The following ARHGEF3 variants were observed in gnomAD, a reference collection of about 807,000 sequenced individuals.
ARHGEF3 encodes the protein Rho guanine nucleotide exchange factor 3, also known as 59.8 kDA protein.
In ARHGEF3, 28 loss-of-function variants were observed where a neutral mutation model predicts 63.2. The observed-to-expected ratio is 0.44, with a 90% CI of 0.33 to 0.61. The LOEUF (loss-of-function observed/expected upper bound fraction) is 0.61, where lower values mean the gene tolerates loss of function less well. Ranked by LOEUF, ARHGEF3 falls within the 20% of genes least tolerant of loss-of-function variation. The pLI, the probability that ARHGEF3 is intolerant of heterozygous loss-of-function variation, is 0.03. For missense variants in ARHGEF3, 533 were observed against 659.3 expected (o/e 0.81, Z 2.10); for synonymous variants, 266 against 254.2 (o/e 1.05, Z -0.44).
intron 1 of ARHGEF3, among the ~76,000 whole-genome samples, chr3:57,063,104 A>G (rs1474818185): frequency 1.3e-5 from 2 of 152,236 alleles, no homozygotes; most frequent in African/African-American, 2.4e-5. Context: ...ATGAGGGACC[A>G]AGCTCTGCAG....
chr3:56,995,646 AGAGAGAGAGAGAGAGAGAGAGAGAG>A (rs1701949374), intron 2 of ARHGEF3, among the ~76,000 whole-genome samples: 3 of 122,742 alleles, frequency 2.4e-5, no homozygotes, highest in Non-Finnish European at 5.6e-5. Context: ...AGAGAGAGAG[AGAGAGAGAGAGAGAGAGAGAGAGAG>A]AATTTTTTTT....
chr3:56,735,259 G>C (rs1489722054), intron 8 of ARHGEF3, among the ~76,000 whole-genome samples: 1 of 152,118 alleles, frequency 6.6e-6, no homozygotes, highest in Non-Finnish European at 1.5e-5. Context: ...ACTCCAGCCT[G>C]GGCAACAGAG....
At chr3:57,013,578 T>C (rs1007046207) in intron 2 of ARHGEF3, among the ~76,000 whole-genome samples, 1 of 151,982 alleles carries the variant, frequency 6.6e-6, no homozygotes, top group Admixed American at 6.6e-5. Context: ...GCTAATCTGG[T>C]GGGGACTTGG....
At chr3:56,817,727 C>T (rs2038324468) in intron 4 of ARHGEF3, among the ~76,000 whole-genome samples, 1 of 152,194 alleles carries the variant, frequency 6.6e-6, no homozygotes. Context: ...AAGTAACTTG[C>T]TCAAGATCAC....
chr3:57,005,347 G>A (rs886064544), intron 2 of ARHGEF3, among the ~76,000 whole-genome samples: 1 of 152,150 alleles, frequency 6.6e-6, no homozygotes, highest in Admixed American at 6.5e-5. Flanking sequence ...GCTTGCCCAC[G>A]AACCACAGTT....
chr3:56,774,515 G>T (rs1360772724), intron 1 of ARHGEF3, among the ~76,000 whole-genome samples: 2 of 152,184 alleles, frequency 1.3e-5, no homozygotes, highest in East Asian at 3.8e-4. Flanking sequence ...TAAAACATTA[G>T]TTGCAAATCT....
At chr3:57,034,852 T>G (rs1462540201) in intron 2 of ARHGEF3, among the ~76,000 whole-genome samples, 1 of 151,596 alleles carries the variant, frequency 6.6e-6, no homozygotes, top group Non-Finnish European at 1.5e-5. Context: ...AGAGATGAGG[T>G]CTCACTATGT....
intron 3 of ARHGEF3, among the ~76,000 whole-genome samples, chr3:56,921,054 C>CAA (rs34087284): frequency 0.043 from 2,560 of 59,732 alleles, 137 homozygotes; most frequent in Non-Finnish European, 0.052. Flanking sequence ...GACTCCATCT[C>CAA]AAAAAAAAAA....
At chr3:56,777,713 A>G (rs536024129) in intron 1 of ARHGEF3, among the ~76,000 whole-genome samples, 2 of 152,224 alleles carry the variant, frequency 1.3e-5, no homozygotes, top group East Asian at 1.9e-4. Flanking sequence ...GGGGTGAGGA[A>G]TAGTAGGAAT....
chr3:56,737,412 A>G lies in ARHGEF3; in HGVS notation c.871-57T>C, dbSNP rs924959034. ...AGGAAAGCAGCAAACCATTCACACC[A>G]AGTCTTAGGGGCTCAGCCTAGAAGG... On this transcript the variant is annotated intron_variant, in intron 7 of 9. Coordinates refer to ENST00000296315, the MANE Select transcript of ARHGEF3 (RefSeq NM_019555.3). 5 of 1,450,264 alleles carry G rather than the reference A, an allele frequency of 3.4e-6. No individual in the cohort carries two copies. The African/African-American group carries it at 4.2e-5, about 12-fold the overall frequency. 89.8% of individuals were successfully genotyped at this position (1,450,264 alleles called of 1,614,324 possible). A position where few individuals can be genotyped will look rare whatever the true frequency, so the allele number is the denominator to read the frequency against.
chr3:57,047,535 C>T (rs1322178256), intron 1 of ARHGEF3, among the ~76,000 whole-genome samples: 1 of 152,160 alleles, frequency 6.6e-6, no homozygotes. Context: ...GTAATGGTGT[C>T]CATCTCATGG....
At chr3:57,015,153 A>T (rs1445253808) in intron 2 of ARHGEF3, among the ~76,000 whole-genome samples, 1 of 152,232 alleles carries the variant, frequency 6.6e-6, no homozygotes, top group East Asian at 1.9e-4. Context: ...AGCCACGCTC[A>T]TTCACTTATG....
chr3:56,898,158 A>G (rs927020943), intron 3 of ARHGEF3, among the ~76,000 whole-genome samples: 9 of 152,126 alleles, frequency 5.9e-5, no homozygotes, highest in African/African-American at 2.2e-4. Flanking sequence ...GATTATAGGC[A>G]TGAGCCACTG....
chr3:56,956,534 T>C (rs1234682186), intron 3 of ARHGEF3, among the ~76,000 whole-genome samples: 1 of 152,160 alleles, frequency 6.6e-6, no homozygotes, highest in Non-Finnish European at 1.5e-5. Context: ...TGCTTAAAAA[T>C]TCACAGAACA....
At chr3:56,744,172 C>A (rs2034228917) in intron 7 of ARHGEF3, among the ~76,000 whole-genome samples, 1 of 152,240 alleles carries the variant, frequency 6.6e-6, no homozygotes, top group East Asian at 1.9e-4. Flanking sequence ...CCAGGCACGA[C>A]CTGTCCTGTC....
intron 3 of ARHGEF3, among the ~76,000 whole-genome samples, chr3:56,910,628 A>C (rs2041830851): frequency 6.6e-6 from 1 of 152,248 alleles, no homozygotes; most frequent in Admixed American, 6.5e-5. Context: ...AACAAACCAA[A>C]AAACCCAAAC....
chr3:56,976,451 C>G (rs1701130472), intron 2 of ARHGEF3, among the ~76,000 whole-genome samples: 1 of 152,194 alleles, frequency 6.6e-6, no homozygotes, highest in Non-Finnish European at 1.5e-5. Flanking sequence ...GCTTCTTGCC[C>G]TGGGAGGAGC....
chr3:56,968,212 ATAT>A (rs1219539378), intron 2 of ARHGEF3, among the ~76,000 whole-genome samples: 1,313 of 22,618 alleles, frequency 0.058, 86 homozygotes, highest in Non-Finnish European at 0.11. Flanking sequence ...ATAAAAATAT[ATAT>A]TATATATAAT....
rs879384448 is a variant in ARHGEF3 at position 57,057,901 on chromosome 3, C to CA, written c.-28+21324dup. Among the ~76,000 whole-genome samples the CA allele has an allele frequency of 6.6e-5, 10 of 152,298 alleles. No individual in the cohort carries two copies. In the East Asian group the frequency reaches 1.9e-3, roughly 29 times the overall value. On this transcript the variant is annotated intron_variant, in intron 1 of 12. Coordinates refer to the ARHGEF3 transcript ENST00000338458. ...GATTTTACTGTCCATACTAGACAGA[C>CA]AAGGGAGAGTTGAGGAGGGGCCACT...
Sources: allele counts gnomAD v4.1 joint callset (sites outside exome capture counted in the v4.1 genomes callset), GRCh38; gene constraint gnomAD v4.1.1; transcripts MANE v1.5; gene names NCBI Gene and HGNC (gene_info 2026-07-23, HGNC 2026-07-21).